EPHA5: variants seen among roughly 807,000 people sequenced by gnomAD.
EPHA5 encodes the protein ephrin type-A receptor 5.
A neutral mutation model predicts 105.0 loss-of-function variants in EPHA5; 60 were observed. That is an observed-to-expected ratio of 0.57 (90% CI 0.46 to 0.71). The LOEUF is 0.71. Among genes scored for constraint, EPHA5 ranks in the 30% least tolerant of loss-of-function variants. The pLI is 0.00. For missense variants in EPHA5, 1,218 were observed against 1,274.7 expected (o/e 0.96, Z 0.68); for synonymous variants, 513 against 449.1 (o/e 1.14, Z -1.80).
rs1719713623 is a variant in EPHA5 at position 65,322,510 on chromosome 4, T to A, written c.*1604A>T. On this transcript the variant is annotated 3_prime_UTR_variant, in exon 17 of 17. Transcript: ENST00000613740. Reference sequence around the variant, plus strand: ...TTTTGACTAATCACATGACATTCCATAATTTTTATAAAGTGTAATAATACA... The same window carrying A: ...TTTTGACTAATCACATGACATTCCAAAATTTTTATAAAGTGTAATAATACA... 1.3e-5 allele frequency: 3 copies of A among 225,394 alleles called. No homozygotes were observed. The highest frequency in any genetic ancestry group is 3.7e-4 in the South Asian group (2 of 5,476). 14.0% of individuals were successfully genotyped at this position (225,394 alleles called of 1,614,324 possible). A position where few individuals can be genotyped will look rare whatever the true frequency, so the allele number is the denominator to read the frequency against.
intron 11 of EPHA5, among the ~76,000 whole-genome samples, chr4:65,361,612 A>G (rs997076956): frequency 6.6e-6 from 1 of 151,672 alleles, no homozygotes; most frequent in Non-Finnish European, 1.5e-5. Context: ...TACTAGACAG[A>G]CTAAGGAAAT....
chr4:65,633,539 G>A (rs1746838524), intron 2 of EPHA5, among the ~76,000 whole-genome samples: 1 of 151,892 alleles, frequency 6.6e-6, no homozygotes, highest in Non-Finnish European at 1.5e-5. Context: ...GGAAACTGGT[G>A]CAAATATCAA....
At chr4:65,554,378 C>T (rs916355477) in intron 3 of EPHA5, among the ~76,000 whole-genome samples, 1 of 150,700 alleles carries the variant, frequency 6.6e-6, no homozygotes, top group Non-Finnish European at 1.5e-5. Flanking sequence ...AATATAAATA[C>T]TATTCAGCTA....
intron 3 of EPHA5, among the ~76,000 whole-genome samples, chr4:65,497,255 T>G (rs1261027296): frequency 6.6e-6 from 1 of 152,160 alleles, no homozygotes; most frequent in Non-Finnish European, 1.5e-5. Context: ...AACTTTCATA[T>G]TCTATAAATG....
chr4:65,557,001 C>A (rs1281964137), intron 3 of EPHA5, among the ~76,000 whole-genome samples: 1 of 151,686 alleles, frequency 6.6e-6, no homozygotes, highest in Non-Finnish European at 1.5e-5. Context: ...TCTGTTTGTC[C>A]TTTATTCGGA....
intron 5 of EPHA5, among the ~76,000 whole-genome samples, chr4:65,485,213 G>A (rs1473654462): frequency 6.6e-6 from 1 of 151,306 alleles, no homozygotes; most frequent in Non-Finnish European, 1.5e-5. Flanking sequence ...TATTCCCTTT[G>A]TAATTGGCCA....
At chr4:65,417,911 G>T (rs1027690357) in intron 6 of EPHA5, among the ~76,000 whole-genome samples, 1 of 151,986 alleles carries the variant, frequency 6.6e-6, no homozygotes, top group Non-Finnish European at 1.5e-5. Flanking sequence ...CTGGGAAGTG[G>T]TCACAAAAAT....
intron 3 of EPHA5, among the ~76,000 whole-genome samples, chr4:65,554,648 T>G (rs1738230671): frequency 6.6e-6 from 1 of 151,914 alleles, no homozygotes; most frequent in Non-Finnish European, 1.5e-5. Context: ...ATTTTATTCA[T>G]AAACTATTCC....
intron 6 of EPHA5, 67 bp from the exon 7 acceptor site, chr4:65,414,510 G>A (rs2149021541): frequency 6.6e-7 from 1 of 1,516,942 alleles, no homozygotes. Flanking sequence ...GCAAAATTTA[G>A]AATCATAGAT....
At chr4:65,411,439 C>T (rs2149010078) in intron 7 of EPHA5, among the ~76,000 whole-genome samples, 1 of 152,126 alleles carries the variant, frequency 6.6e-6, no homozygotes. Flanking sequence ...TTATTTGTAT[C>T]ATCCTTATGA....
chr4:65,452,451 T>C (rs1216040607), intron 5 of EPHA5, among the ~76,000 whole-genome samples: 1 of 152,088 alleles, frequency 6.6e-6, no homozygotes, highest in African/African-American at 2.4e-5. Flanking sequence ...TTTGTAGTGT[T>C]CTTTAAGTTA....
intron 8 of EPHA5, among the ~76,000 whole-genome samples, chr4:65,396,932 G>T (rs558078187): frequency 6.6e-6 from 1 of 152,286 alleles, no homozygotes; most frequent in South Asian, 2.1e-4. Flanking sequence ...CCAAGAGAGG[G>T]AAAGGAGACA....
Position 65,635,500 on chromosome 4 carries a change from T to C in EPHA5, c.246+7863A>G, listed in dbSNP as rs571119245. On this transcript the variant is annotated intron_variant, in intron 2 of 16. Transcript: ENST00000613740. ...GGAATGTAGTGGTTTCCCCATTGTG[T>C]GCTAGAGGAAGCACAGACAACTCAG... Among the ~76,000 whole-genome samples the C allele has an allele frequency of 2.6e-5, 4 of 152,244 alleles. No individual in the cohort carries two copies. The South Asian group carries it at 6.2e-4, about 24-fold the overall frequency.
chr4:65,492,779 AT>A (rs1731539715), intron 4 of EPHA5, among the ~76,000 whole-genome samples: 2 of 152,240 alleles, frequency 1.3e-5, no homozygotes, highest in South Asian at 4.1e-4. Context: ...TAGTAGAATG[AT>A]TTATAATCCT....
chr4:65,630,530 C>G (rs932308291), intron 2 of EPHA5, among the ~76,000 whole-genome samples: 2 of 152,162 alleles, frequency 1.3e-5, no homozygotes, highest in Non-Finnish European at 2.9e-5. Flanking sequence ...AGTCAAAGGT[C>G]ATCAGTGCAT....
intron 5 of EPHA5, among the ~76,000 whole-genome samples, chr4:65,480,075 A>T (rs1730207436): frequency 6.6e-6 from 1 of 152,120 alleles, no homozygotes; most frequent in Non-Finnish European, 1.5e-5. Context: ...ACAAACAAAC[A>T]AAAAACACAA....
intron 8 of EPHA5, among the ~76,000 whole-genome samples, chr4:65,402,184 C>G (rs7663925): frequency 0.97 from 147,378 of 152,092 alleles, 71,610 homozygotes; most frequent in East Asian, 1. Context: ...GTGAACAGGT[C>G]TCTTCCTCCA....
chr4:65,429,489 C>A (rs1162912024), intron 5 of EPHA5, among the ~76,000 whole-genome samples: 2 of 151,944 alleles, frequency 1.3e-5, no homozygotes, highest in African/African-American at 2.4e-5. Context: ...CCATAAAGTG[C>A]AAACTCTAAT....
At chr4:65,528,151 A>G (rs561635039) in intron 3 of EPHA5, among the ~76,000 whole-genome samples, 1 of 147,174 alleles carries the variant, frequency 6.8e-6, no homozygotes, top group African/African-American at 2.5e-5. Flanking sequence ...TTACATAATG[A>G]GAGAGAAAAA....
Sources: gnomAD v4.1 joint callset for allele counts (sites outside exome capture counted in the v4.1 genomes callset) on GRCh38, gnomAD v4.1.1 for gene constraint, MANE v1.5 for transcripts, NCBI Gene and HGNC (gene_info 2026-07-23, HGNC 2026-07-21) for gene names.